Variants in ULK4 observed in about 807,000 individuals in gnomAD.
ULK4 encodes the protein unc-51 like kinase 4, also known as inactive serine/threonine-protein kinase ULK4.
A neutral mutation model predicts 160.6 loss-of-function variants in ULK4; 133 were observed. That is an observed-to-expected ratio of 0.83 (90% CI 0.72 to 0.96). The LOEUF (loss-of-function observed/expected upper bound fraction) is 0.96. Among genes scored for constraint, ULK4 ranks in the 40% least tolerant of loss-of-function variants. The probability of loss-of-function intolerance (pLI) is 0.00; values close to 1 mark genes in which losing one functional copy is unlikely to be tolerated. For missense variants in ULK4, 1,580 were observed against 1,499.5 expected (o/e 1.05, Z -0.89); for synonymous variants, 534 against 539.8 (o/e 0.99, Z 0.15).
chr3:41,742,080 G>A (rs1295325353), intron 22 of ULK4, among the ~76,000 whole-genome samples: 1 of 151,904 alleles, frequency 6.6e-6, no homozygotes, highest in Non-Finnish European at 1.5e-5. Context: ...CACACCAACA[G>A]AAAATCACAT....
chr3:41,809,383 A>C (rs2040752589), intron 19 of ULK4, among the ~76,000 whole-genome samples: 1 of 152,178 alleles, frequency 6.6e-6, no homozygotes, highest in African/African-American at 2.4e-5. Flanking sequence ...TGTTAAAAAA[A>C]AAATCCAGGT....
At chr3:41,741,574 T>C (rs550472930) in intron 22 of ULK4, among the ~76,000 whole-genome samples, 2 of 152,132 alleles carry the variant, frequency 1.3e-5, no homozygotes, top group African/African-American at 4.8e-5. Flanking sequence ...CACACTTTTA[T>C]TTCTAGTGGC....
At chr3:41,829,521 G>A (rs1575785192) in intron 18 of ULK4, among the ~76,000 whole-genome samples, 2 of 152,210 alleles carry the variant, frequency 1.3e-5, no homozygotes. Context: ...AGACATTTAT[G>A]CAGCCAAAAG....
intron 27 of ULK4, among the ~76,000 whole-genome samples, chr3:41,691,318 G>A (rs1430623369): frequency 2.0e-5 from 3 of 151,852 alleles, no homozygotes; most frequent in Non-Finnish European, 2.9e-5. Context: ...CTGGAAGCAT[G>A]CCAACATATA....
At chr3:41,903,769 A>G (rs1325032013) in intron 12 of ULK4, among the ~76,000 whole-genome samples, 1 of 152,328 alleles carries the variant, frequency 6.6e-6, no homozygotes, top group African/African-American at 2.4e-5. Flanking sequence ...CAATAATTGC[A>G]ATCAGATCAT....
At chr3:41,569,571 A>G (rs1319226265) in intron 31 of ULK4, among the ~76,000 whole-genome samples, 1 of 152,166 alleles carries the variant, frequency 6.6e-6, no homozygotes, top group African/African-American at 2.4e-5. Flanking sequence ...GGTTATGTCT[A>G]TTTTCCTAGA....
At chr3:41,467,187 G>A (rs996492206) in intron 32 of ULK4, among the ~76,000 whole-genome samples, 10 of 152,086 alleles carry the variant, frequency 6.6e-5, no homozygotes, top group African/African-American at 2.4e-4. Context: ...CAAGTAAAAT[G>A]AACACATATG....
At chr3:41,769,082 A>C (rs958926252) in intron 21 of ULK4, among the ~76,000 whole-genome samples, 11 of 152,230 alleles carry the variant, frequency 7.2e-5, no homozygotes, top group African/African-American at 2.4e-4. Context: ...TAGACAAACT[A>C]TAACAAACAT....
chr3:41,525,423 G>A (rs1391678699), intron 32 of ULK4, among the ~76,000 whole-genome samples: 1 of 152,146 alleles, frequency 6.6e-6, no homozygotes, highest in African/African-American at 2.4e-5. Flanking sequence ...TCCAACAGCC[G>A]ACCTGTATGA....
chr3:41,307,969 AGCT>A (rs2079980981), intron 35 of ULK4, among the ~76,000 whole-genome samples: 2 of 152,152 alleles, frequency 1.3e-5, no homozygotes, highest in Non-Finnish European at 2.9e-5. Flanking sequence ...GCTACCCAAA[AGCT>A]TGAGTTTCCG....
chr3:41,412,762 T>G (rs1000281452), intron 34 of ULK4, among the ~76,000 whole-genome samples: 7 of 151,940 alleles, frequency 4.6e-5, no homozygotes, highest in African/African-American at 7.3e-5. Flanking sequence ...GGTTTTGCCA[T>G]GTTGCCCAGG....
intron 35 of ULK4, among the ~76,000 whole-genome samples, chr3:41,314,985 A>C (rs1035506628): frequency 6.6e-6 from 1 of 152,210 alleles, no homozygotes; most frequent in Admixed American, 6.5e-5. Context: ...TACTATATTG[A>C]AAATTAAAAC....
chr3:41,592,115 C>T (rs973026038), intron 31 of ULK4, among the ~76,000 whole-genome samples: 2 of 152,162 alleles, frequency 1.3e-5, no homozygotes, highest in East Asian at 1.9e-4. Flanking sequence ...CCGGGAGACA[C>T]CCCAAATACT....
rs10535539 is a variant in ULK4, at chr3:41,864,346, CTGTTTTGTTTTGTTT to C, written c.1656+19513_1656+19527del. Among the ~76,000 whole-genome samples, 212 of 149,802 alleles carry C rather than the reference CTGTTTTGTTTTGTTT, an allele frequency of 1.4e-3. 1 individual carries two copies. In the East Asian group the frequency reaches 0.019, roughly 14 times the overall value. ...AGGGAGTGGTGTTGGCAATTCAGAA[CTGTTTTGTTTTGTTT>C]TGTTTTGTTTTGTTTTGTTTTGTTT... is the stretch of plus-strand genomic sequence containing the variant. On this transcript the variant is annotated intron_variant, in intron 17 of 36. Coordinates refer to ENST00000301831, the MANE Select transcript of ULK4 (RefSeq NM_017886.4).
intron 34 of ULK4, among the ~76,000 whole-genome samples, chr3:41,413,942 C>T (rs975048967): frequency 1.3e-5 from 2 of 152,288 alleles, no homozygotes; most frequent in Admixed American, 6.5e-5. Context: ...CAGTGGCTCA[C>T]GCCTGTAATC....
At chr3:41,400,540 T>G (rs1025556659) in intron 34 of ULK4, among the ~76,000 whole-genome samples, 1 of 152,204 alleles carries the variant, frequency 6.6e-6, no homozygotes, top group South Asian at 2.1e-4. Flanking sequence ...TGAGTACTAT[T>G]CCATGACATA....
intron 35 of ULK4, among the ~76,000 whole-genome samples, chr3:41,315,153 T>C (rs946900569): frequency 1.3e-5 from 2 of 152,202 alleles, no homozygotes; most frequent in African/African-American, 2.4e-5. Context: ...TCTGTCTTAT[T>C]AGAAGACAGA....
chr3:41,853,742 A>G (rs2042270185), intron 17 of ULK4, among the ~76,000 whole-genome samples: 1 of 152,144 alleles, frequency 6.6e-6, no homozygotes, highest in Non-Finnish European at 1.5e-5. Context: ...TTCTCCTGAT[A>G]AGAGATCATG....
chr3:41,920,058 T>C (rs569152141), intron 5 of ULK4, among the ~76,000 whole-genome samples: 2 of 152,328 alleles, frequency 1.3e-5, no homozygotes, highest in African/African-American at 4.8e-5. Context: ...CACATTCAGC[T>C]ACATTCTTCT....
Sources: gnomAD v4.1 joint callset for allele counts (sites outside exome capture counted in the v4.1 genomes callset) on GRCh38, gnomAD v4.1.1 for gene constraint, MANE v1.5 for transcripts, NCBI Gene and HGNC (gene_info 2026-07-23, HGNC 2026-07-21) for gene names.